TEX2: variants seen among roughly 807,000 people sequenced by gnomAD.
TEX2 encodes the protein testis-expressed protein 2.
TEX2 carries 53 observed loss-of-function variants against 106.9 expected under a neutral mutation model. The ratio of observed to expected loss-of-function variants is 0.50; its 90% confidence interval spans 0.40 to 0.62. TEX2 has a LOEUF of 0.62. Ranked by LOEUF, TEX2 falls within the 20% of genes least tolerant of loss-of-function variation. TEX2 has a pLI of 0.00. For synonymous variants in TEX2, 523 were observed against 534.8 expected (o/e 0.98, Z 0.30); for missense variants, 1,207 against 1,379.0 (o/e 0.88, Z 1.98).
intron 1 of TEX2, among the ~76,000 whole-genome samples, chr17:64,214,673 G>A (rs575995159): frequency 1.1e-3 from 173 of 152,308 alleles, no homozygotes; most frequent in Non-Finnish European, 2.1e-3. Context: ...TAGGAGTCTT[G>A]TAGCTGTAAC....
chr17:64,227,255 A>G (rs2033532755), intron 1 of TEX2, among the ~76,000 whole-genome samples: 1 of 151,628 alleles, frequency 6.6e-6, no homozygotes, highest in South Asian at 2.1e-4. Context: ...TGACATCAAT[A>G]TGGGGGCAAA....
At chr17:64,203,249 T>C (rs1370629382) in intron 2 of TEX2, among the ~76,000 whole-genome samples, 16 of 152,288 alleles carry the variant, frequency 1.1e-4, no homozygotes, top group Middle Eastern at 3.4e-3. Context: ...GCAGTAACAA[T>C]GCAGCATGTT....
intron 2 of TEX2, among the ~76,000 whole-genome samples, chr17:64,199,730 G>A (rs1184079111): frequency 1.3e-5 from 2 of 152,150 alleles, no homozygotes; most frequent in South Asian, 2.1e-4. Context: ...CGTACTTTAC[G>A]CTTAGAACAC....
Position 64,217,950 on chromosome 17 carries a change from G to T in TEX2, c.-25-3708C>A, listed in dbSNP as rs1375083048. Among the ~76,000 whole-genome samples the T allele has an allele frequency of 6.6e-6, 1 of 152,108 alleles. No individual in the cohort carries two copies. Among genetic ancestry groups the T allele is most frequent in the Non-Finnish European group, 1.5e-5 (1 of 68,026 alleles). ...CAAAGTGGTACACAAAATTAATCAC[G>T]TCCCGTCCCAGAATGGATGAGGGTG... is the stretch of plus-strand genomic sequence containing the variant. On this transcript the variant is annotated intron_variant, in intron 1 of 11. Transcript: ENST00000584379. The surrounding 1 kb of genome is among the most constrained non-coding windows in gnomAD (Gnocchi z 4.3).
chr17:64,171,108 T>C lies in TEX2; in HGVS notation c.2663A>G (p.Asp888Gly). The C allele has an allele frequency of 1.2e-6, 2 of 1,613,318 alleles. No homozygotes were observed. The highest frequency in any genetic ancestry group is 1.7e-6 in the Non-Finnish European group (2 of 1,179,270). Residue 888 changes from aspartate to glycine, a missense_variant, in exon 7 of 12, where the codon GAT becomes GGT. Asp to Gly is a moderately conservative substitution (Grantham distance 94). Coordinates refer to ENST00000584379, the MANE Select transcript of TEX2 (RefSeq NM_001288732.2). ...GGTCAGTTAGGAGTTACCTTGGTGA[T>C]CAACGTAAGGCTTGAAGGCCTGGAG... ...KILQAFKPYVDHQGLWIDLEM... is the reference protein window; with the variant it reads ...KILQAFKPYVGHQGLWIDLEM...
intron 5 of TEX2, among the ~76,000 whole-genome samples, chr17:64,179,885 T>G (rs1010028171): frequency 6.6e-6 from 1 of 152,352 alleles, no homozygotes; most frequent in African/African-American, 2.4e-5. Context: ...TTTCGAGTGC[T>G]GTGACGTTTT....
At chr17:64,154,811 C>A in intron 9 of TEX2, 31 bp downstream of exon 9, 1 of 1,542,258 alleles carries the variant, frequency 6.5e-7, no homozygotes, top group African/African-American at 1.4e-5. Context: ...TCCCTGGAGA[C>A]TCAGAGGCAC....
chr17:64,167,407 A>C (rs1169537908), intron 7 of TEX2, among the ~76,000 whole-genome samples: 1 of 152,192 alleles, frequency 6.6e-6, no homozygotes, highest in Non-Finnish European at 1.5e-5. Flanking sequence ...AGCCATGATA[A>C]TAACAATCCT....
Position 64,191,634 on chromosome 17 carries a change from T to C in TEX2, c.2176+1925A>G, listed in dbSNP as rs961193733. On this transcript the variant is annotated intron_variant, in intron 4 of 11. Transcript: ENST00000584379. ...GAGTTTAAGATCAGCCTGACCAACA[T>C]AGTGAAATCCTGTCCCTACTAAAGA... is the stretch of plus-strand genomic sequence containing the variant. Among the ~76,000 whole-genome samples the C allele has an allele frequency of 3.9e-5, 6 of 152,126 alleles. No individual in the cohort carries two copies. In the South Asian group the frequency reaches 8.3e-4, roughly 21 times the overall value.
intron 1 of TEX2, among the ~76,000 whole-genome samples, chr17:64,249,614 C>G (rs1372996225): frequency 6.6e-6 from 1 of 152,166 alleles, no homozygotes; most frequent in Middle Eastern, 3.2e-3. Flanking sequence ...ATCTCTTAAC[C>G]ATCCACCCCA....
chr17:64,171,706 C>T (rs945052080), intron 6 of TEX2, among the ~76,000 whole-genome samples: 26 of 152,144 alleles, frequency 1.7e-4, no homozygotes, highest in South Asian at 4.2e-4. Flanking sequence ...AGGTCAGGTG[C>T]GGTGGCTCAT....
intron 6 of TEX2, among the ~76,000 whole-genome samples, chr17:64,176,032 G>A (rs1205640022): frequency 6.6e-6 from 1 of 152,198 alleles, no homozygotes; most frequent in Non-Finnish European, 1.5e-5. Context: ...GAGGGTTACT[G>A]CTACTTGTTG....
Position 64,152,935 on chromosome 17 carries a change from C to T in TEX2, c.3140+10G>A. 6.2e-7 allele frequency: 1 copy of T among 1,613,110 alleles called. No homozygotes were observed. The highest frequency in any genetic ancestry group is 8.5e-7 in the Non-Finnish European group (1 of 1,179,680). The stretch of plus-strand genomic sequence containing the variant: ...GAATCACTTATTGTCCCTGAGGGCC[C>T]TCTACGCACCATACTCGGTCAGTCG... On this transcript the variant is annotated intron_variant, in intron 10 of 11. Transcript: ENST00000584379.
chr17:64,207,670 C>A (rs1198633279), intron 2 of TEX2, among the ~76,000 whole-genome samples: 1 of 152,042 alleles, frequency 6.6e-6, no homozygotes, highest in African/African-American at 2.4e-5. Context: ...AACCTGGAGG[C>A]AGAGTGGAAA....
At chr17:64,224,093 A>C (rs1174784041) in intron 1 of TEX2, among the ~76,000 whole-genome samples, 3 of 152,192 alleles carry the variant, frequency 2.0e-5, no homozygotes, top group Non-Finnish European at 4.4e-5. Flanking sequence ...TTGCATTTGG[A>C]CATTTGATGT....
chr17:64,206,943 C>T (rs985986176), intron 2 of TEX2, among the ~76,000 whole-genome samples: 1 of 152,166 alleles, frequency 6.6e-6, no homozygotes, highest in African/African-American at 2.4e-5. Flanking sequence ...ACCATAGGGC[C>T]TAGACAACCA....
At chr17:64,238,704 C>T (rs1330227922) in intron 1 of TEX2, among the ~76,000 whole-genome samples, 1 of 152,182 alleles carries the variant, frequency 6.6e-6, no homozygotes, top group Non-Finnish European at 1.5e-5. Context: ...AGGGTAACCA[C>T]CCCCATGGTT....
At position 64,213,556 on chromosome 17, in the gene TEX2, A is replaced by G; in HGVS notation, c.662T>C (p.Leu221Pro). 6.2e-7 allele frequency: 1 copy of G among 1,614,146 alleles called. No homozygotes were observed. Among genetic ancestry groups the G allele is most frequent in the South Asian group, 1.1e-5 (1 of 91,080 alleles). The change falls in exon 2 of 12, where the codon CTG (leucine) becomes CCG (proline). Residue 221 changes from leucine to proline, a missense_variant. Physicochemically the swap from Leu to Pro is moderately conservative, Grantham distance 98. Transcript: ENST00000584379. The surrounding 1 kb of genome is among the most constrained non-coding windows in gnomAD (Gnocchi z 4.4). Reference sequence around the variant, plus strand: ...CTCCTGCCGGGAAGTGTCCGTGGACAGAGACTTGACTAATGTCTTCATCAA... The same window carrying G: ...CTCCTGCCGGGAAGTGTCCGTGGACGGAGACTTGACTAATGTCTTCATCAA... ...RHLMKTLVKS[L>P]STDTSRQESD...
intron 8 of TEX2, among the ~76,000 whole-genome samples, chr17:64,156,403 A>G (rs1375448807): frequency 1.3e-5 from 2 of 152,172 alleles, no homozygotes; most frequent in African/African-American, 4.8e-5. Context: ...CTCCCTCTGC[A>G]GAAACAAAAG....
Sources: gnomAD v4.1 joint callset for allele counts (sites outside exome capture counted in the v4.1 genomes callset) on GRCh38, gnomAD v4.1.1 for gene constraint, Gnocchi (gnomAD v3.1) non-coding constraint, MANE v1.5 for transcripts, NCBI Gene and HGNC (gene_info 2026-07-23, HGNC 2026-07-21) for gene names.